The following PDSS2 variants were observed in gnomAD, a reference collection of about 807,000 sequenced individuals.
PDSS2 encodes the protein all trans-polyprenyl-diphosphate synthase PDSS2.
Under a neutral mutation model 44.5 loss-of-function variants are expected in PDSS2, and 31 were observed. The ratio of observed to expected loss-of-function variants is 0.70; its 90% CI spans 0.52 to 0.94. The LOEUF is 0.94. PDSS2 is among the 40% of genes least tolerant of loss of function. PDSS2 has a pLI of 0.00. For missense variants in PDSS2, 452 were observed against 482.2 expected (o/e 0.94, Z 0.59); for synonymous variants, 157 against 180.3 (o/e 0.87, Z 1.03).
At chr6:107,282,554 G>C (rs1429984822) in intron 2 of PDSS2, among the ~76,000 whole-genome samples, 1 of 151,854 alleles carries the variant, frequency 6.6e-6, no homozygotes, top group Admixed American at 6.5e-5. Context: ...CACCATACCT[G>C]GCTGCTTTTT....
chr6:107,421,770 A>G (rs1256502976), intron 1 of PDSS2, among the ~76,000 whole-genome samples: 4 of 150,946 alleles, frequency 2.6e-5, no homozygotes, highest in Admixed American at 2.0e-4. Flanking sequence ...TGATGATGGT[A>G]GTTACAAAAA....
intron 1 of PDSS2, among the ~76,000 whole-genome samples, chr6:107,374,497 A>C (rs920500897): frequency 2.0e-5 from 3 of 152,208 alleles, no homozygotes; most frequent in Non-Finnish European, 1.5e-5. Context: ...TGGAAGTACA[A>C]AGAATAAAGC....
At chr6:107,420,276 T>C (rs763497882) in intron 1 of PDSS2, among the ~76,000 whole-genome samples, 2 of 152,204 alleles carry the variant, frequency 1.3e-5, no homozygotes, top group African/African-American at 4.8e-5. Flanking sequence ...CACCTTCTTC[T>C]AGCCTCAGCC....
At chr6:107,400,997 T>C (rs1483147169) in intron 1 of PDSS2, among the ~76,000 whole-genome samples, 2 of 152,172 alleles carry the variant, frequency 1.3e-5, no homozygotes, top group African/African-American at 4.8e-5. Context: ...AACTAATCCA[T>C]AGCCCAGCCC....
intron 3 of PDSS2, among the ~76,000 whole-genome samples, chr6:107,268,308 AAAG>A (rs561036535): frequency 3.2e-3 from 493 of 152,302 alleles, no homozygotes; most frequent in Middle Eastern, 6.8e-3. Flanking sequence ...ACAAGAGTAA[AAAG>A]AAGCGCTGAA....
chr6:107,339,433 A>C (rs1399313431), intron 1 of PDSS2, among the ~76,000 whole-genome samples: 1 of 152,212 alleles, frequency 6.6e-6, no homozygotes, highest in African/African-American at 2.4e-5. Flanking sequence ...TCAATTAATA[A>C]GACTGGACGC....
intron 2 of PDSS2, among the ~76,000 whole-genome samples, chr6:107,322,038 T>C (rs1777396974): frequency 6.6e-6 from 1 of 152,180 alleles, no homozygotes; most frequent in African/African-American, 2.4e-5. Flanking sequence ...TAAACAATCA[T>C]ATTAGATCAA....
chr6:107,160,822 C>T (rs1291252201), intron 7 of PDSS2, among the ~76,000 whole-genome samples: 2 of 151,930 alleles, frequency 1.3e-5, no homozygotes, highest in African/African-American at 2.4e-5. Context: ...CTCACTGCAA[C>T]CTGTGCCTCC....
chr6:107,206,861 G>A (rs926006153), intron 6 of PDSS2, among the ~76,000 whole-genome samples: 2 of 151,956 alleles, frequency 1.3e-5, no homozygotes, highest in East Asian at 3.9e-4. Context: ...TAACAAAACC[G>A]GGCTGCCACC....
At chr6:107,248,471 C>T (rs1260779190) in intron 3 of PDSS2, among the ~76,000 whole-genome samples, 1 of 149,170 alleles carries the variant, frequency 6.7e-6, no homozygotes, top group African/African-American at 2.5e-5. Context: ...TTCAAAGAGC[C>T]TCAATGTGAG....
intron 7 of PDSS2, among the ~76,000 whole-genome samples, chr6:107,182,133 T>C (rs908027248): frequency 5.3e-5 from 8 of 152,208 alleles, no homozygotes; most frequent in South Asian, 4.1e-4. Context: ...CAAAGCAAGA[T>C]GATAGTCACT....
intron 4 of PDSS2, among the ~76,000 whole-genome samples, chr6:107,225,934 A>G (rs1773804418): frequency 6.6e-6 from 1 of 152,208 alleles, no homozygotes; most frequent in African/African-American, 2.4e-5. Flanking sequence ...ACTCATGCCA[A>G]TGAGCAAAAC....
At chr6:107,235,931 A>C (rs1423382668) in intron 4 of PDSS2, among the ~76,000 whole-genome samples, 2 of 152,224 alleles carry the variant, frequency 1.3e-5, no homozygotes, top group Non-Finnish European at 2.9e-5. Context: ...AAAAAGAAGA[A>C]GAATCAGTGA....
rs569211779 is a variant in PDSS2 at position 107,407,244 on chromosome 6, A to G, written c.296+51746T>C. Among the ~76,000 whole-genome samples the G allele has an allele frequency of 4.6e-5, 7 of 152,382 alleles. No homozygotes were observed. In the South Asian group the frequency reaches 1.4e-3, roughly 32 times the overall value. The stretch of plus-strand genomic sequence containing the variant: ...TCTACTTATATGTGGTATATAGAAC[A>G]GACAAATTCATGGAGACAAAAATAG... On this transcript the variant is annotated intron_variant, in intron 1 of 7. Transcript: ENST00000369037.
intron 2 of PDSS2, among the ~76,000 whole-genome samples, chr6:107,304,090 C>G (rs562511214): frequency 2.6e-5 from 4 of 152,142 alleles, no homozygotes; most frequent in Admixed American, 2.0e-4. Flanking sequence ...CTTGAGGGAC[C>G]CTGATAATGA....
chr6:107,155,504 T>A (rs1427588115), intron 7 of PDSS2, among the ~76,000 whole-genome samples: 4 of 152,284 alleles, frequency 2.6e-5, no homozygotes, highest in African/African-American at 9.6e-5. Context: ...TAATAACTTT[T>A]TTTTTAACAC....
At chr6:107,262,296 G>A (rs965531839) in intron 3 of PDSS2, among the ~76,000 whole-genome samples, 6 of 152,058 alleles carry the variant, frequency 3.9e-5, no homozygotes, top group Non-Finnish European at 7.4e-5. Context: ...TCTCTAAAGT[G>A]TATATACATC....
At chr6:107,230,651 C>T (rs1487317526) in intron 4 of PDSS2, among the ~76,000 whole-genome samples, 1 of 151,916 alleles carries the variant, frequency 6.6e-6, no homozygotes, top group Non-Finnish European at 1.5e-5. Flanking sequence ...CTCACTCTTC[C>T]TGGACCAGCA....
intron 6 of PDSS2, among the ~76,000 whole-genome samples, chr6:107,203,419 T>C (rs1424853257): frequency 6.6e-6 from 1 of 152,146 alleles, no homozygotes; most frequent in East Asian, 1.9e-4. Context: ...AACACTCTGA[T>C]TGGGCTTTTC....
Sources: allele counts gnomAD v4.1 joint callset (sites outside exome capture counted in the v4.1 genomes callset), GRCh38; gene constraint gnomAD v4.1.1; transcripts MANE v1.5; gene names NCBI Gene and HGNC (gene_info 2026-07-23, HGNC 2026-07-21).